Variants in XIRP2 observed in about 807,000 individuals in gnomAD.
XIRP2 encodes the protein xin actin-binding repeat-containing protein 2.
XIRP2 carries 236 observed loss-of-function variants against 277.0 expected under a neutral mutation model. The observed-to-expected ratio is 0.85, with a 90% CI of 0.77 to 0.95. XIRP2 has a LOEUF of 0.95. XIRP2 is among the 40% of genes least tolerant of loss of function. The pLI is 0.00. For missense variants in XIRP2, 4,640 were observed against 4,157.5 expected (o/e 1.12, Z -3.19); for synonymous variants, 1,490 against 1,416.5 (o/e 1.05, Z -1.17).
intron 2 of XIRP2, among the ~76,000 whole-genome samples, chr2:167,082,380 A>G (rs910007451): frequency 1.3e-5 from 2 of 151,910 alleles, no homozygotes; most frequent in South Asian, 2.1e-4. Context: ...AGTCTTTGCT[A>G]TTGTGAATAA....
chr2:167,218,465 A>T (rs903049273), intron 5 of XIRP2, among the ~76,000 whole-genome samples, 165 bp downstream of exon 5: 1 of 152,212 alleles, frequency 6.6e-6, no homozygotes, highest in Non-Finnish European at 1.5e-5. Flanking sequence ...AAGCATATAT[A>T]TGTATTTATT....
chr2:167,003,071 G>A (rs771324731), intron 2 of XIRP2, among the ~76,000 whole-genome samples: 1 of 151,788 alleles, frequency 6.6e-6, no homozygotes, highest in Admixed American at 6.6e-5. Flanking sequence ...AATACCAAGA[G>A]AGAATGAAAC....
At chr2:166,998,243 T>G (rs2095149265) in intron 2 of XIRP2, among the ~76,000 whole-genome samples, 1 of 152,128 alleles carries the variant, frequency 6.6e-6, no homozygotes. Context: ...GTACTGCACA[T>G]GTATCCCAGA....
chr2:167,213,148 C>T (rs987238891), intron 4 of XIRP2, among the ~76,000 whole-genome samples: 3 of 152,094 alleles, frequency 2.0e-5, no homozygotes, highest in Non-Finnish European at 2.9e-5. Flanking sequence ...GCCCATGAAA[C>T]AGTGGTGGTC....
At chr2:166,934,381 A>T (rs890657607) in intron 2 of XIRP2, among the ~76,000 whole-genome samples, 1 of 152,072 alleles carries the variant, frequency 6.6e-6, no homozygotes, top group Non-Finnish European at 1.5e-5. Flanking sequence ...GCTGCAAGAA[A>T]GGGAATCCCA....
Position 167,246,702 on chromosome 2 carries a change from A to C in XIRP2, c.5310A>C (p.Thr1770=). ...QLHTESNETL[T]AKKQEGEKEI... is the part of the protein sequence containing the mutation. ...ACACAGAGTCAAATGAAACACTGAC[A>C]GCTAAGAAACAAGAAGGAGAGAAAG... The change falls in exon 9 of 11, where the codon ACA becomes ACC. Residue 1770 remains threonine (T), a synonymous_variant. Coordinates refer to ENST00000409195, the MANE Select transcript of XIRP2 (RefSeq NM_152381.6). 1 of 1,613,782 alleles carries C rather than the reference A, an allele frequency of 6.2e-7. No individual in the cohort carries two copies. Among genetic ancestry groups the C allele is most frequent in the Non-Finnish European group, 8.5e-7 (1 of 1,179,830 alleles).
At chr2:167,122,319 T>G (rs1283436009) in intron 2 of XIRP2, among the ~76,000 whole-genome samples, 2 of 152,180 alleles carry the variant, frequency 1.3e-5, no homozygotes, top group African/African-American at 4.8e-5. Flanking sequence ...CTGTGCCTAT[T>G]TACTTCCAGC....
intron 2 of XIRP2, among the ~76,000 whole-genome samples, chr2:167,030,564 C>T (rs776848400): frequency 6.6e-6 from 1 of 152,110 alleles, no homozygotes; most frequent in Non-Finnish European, 1.5e-5. Context: ...TTTGATTGCA[C>T]TGTGGTCTGA....
chr2:167,154,797 G>T (rs1692133095), intron 3 of XIRP2, among the ~76,000 whole-genome samples: 1 of 152,016 alleles, frequency 6.6e-6, no homozygotes, highest in Non-Finnish European at 1.5e-5. Flanking sequence ...AAAAATTAAT[G>T]AATCCAGGAG....
At position 166,984,651 on chromosome 2, in the gene XIRP2, G is replaced by A. The variant is rs149060308; in HGVS notation, c.408+80761G>A. ...AGAAGTGCTGTATCTATAAGAATTC[G>A]GAAGGTACTAAGGATGATATATTAG... On this transcript the variant is annotated intron_variant, in intron 2 of 10. Coordinates refer to ENST00000409195, the MANE Select transcript of XIRP2 (RefSeq NM_152381.6). 1.5e-3 allele frequency among the ~76,000 whole-genome samples: 235 copies of A among 152,208 alleles called. 1 individual carries two copies. The highest frequency in any genetic ancestry group is 5.2e-3 in the African/African-American group (215 of 41,530).
At chr2:167,146,750 G>C (rs1234778862) in intron 3 of XIRP2, among the ~76,000 whole-genome samples, 2 of 151,978 alleles carry the variant, frequency 1.3e-5, no homozygotes, top group Non-Finnish European at 2.9e-5. Context: ...CCTAACTGCT[G>C]TCAGATGCAG....
At chr2:167,124,980 G>A (rs1471253717) in intron 2 of XIRP2, among the ~76,000 whole-genome samples, 1 of 152,108 alleles carries the variant, frequency 6.6e-6, no homozygotes, top group African/African-American at 2.4e-5. Flanking sequence ...CCAAGTTACT[G>A]AAAAGTCACT....
chr2:166,947,042 A>G (rs1256996402), intron 2 of XIRP2, among the ~76,000 whole-genome samples: 1 of 152,102 alleles, frequency 6.6e-6, no homozygotes, highest in African/African-American at 2.4e-5. Context: ...CTTTGTTTCC[A>G]TTGTTTTGTT....
chr2:167,208,406 C>T lies in XIRP2; in HGVS notation c.563-2329C>T, dbSNP rs562789485. Among the ~76,000 whole-genome samples the T allele has an allele frequency of 8.5e-4, 129 of 152,272 alleles. 1 individual carries two copies. The highest frequency in any genetic ancestry group is 6.8e-3 in the Middle Eastern group (2 of 294). ...CACTGCAAGCTTCGCCTCCCGGGTT[C>T]ACGCCATTCTCCTGCCTCAGCCTCC... On this transcript the variant is annotated intron_variant, in intron 3 of 10. Coordinates refer to ENST00000409195, the MANE Select transcript of XIRP2 (RefSeq NM_152381.6).
At chr2:167,078,837 CAAAAAA>C (rs71031277) in intron 2 of XIRP2, among the ~76,000 whole-genome samples, 2 of 127,222 alleles carry the variant, frequency 1.6e-5, no homozygotes, top group East Asian at 4.6e-4. Flanking sequence ...GACTCCGTCT[CAAAAAA>C]AAAAAAAAAA....
At chr2:167,064,876 A>G (rs1413550919) in intron 2 of XIRP2, among the ~76,000 whole-genome samples, 1 of 151,878 alleles carries the variant, frequency 6.6e-6, no homozygotes, top group Non-Finnish European at 1.5e-5. Context: ...ATAGGTATAT[A>G]CCTCATTTTG....
chr2:167,049,913 G>C (rs114020488), intron 2 of XIRP2, among the ~76,000 whole-genome samples: 42 of 152,078 alleles, frequency 2.8e-4, no homozygotes, highest in African/African-American at 9.9e-4. Flanking sequence ...TTTTGCTTTA[G>C]CTACGGCTGC....
chr2:167,056,930 T>G (rs1689050815), intron 2 of XIRP2, among the ~76,000 whole-genome samples: 1 of 152,008 alleles, frequency 6.6e-6, no homozygotes. Context: ...TCTTTGGGAG[T>G]GATAAACAAA....
chr2:166,945,431 T>C (rs1685832355), intron 2 of XIRP2, among the ~76,000 whole-genome samples: 2 of 152,030 alleles, frequency 1.3e-5, no homozygotes, highest in African/African-American at 4.8e-5. Context: ...CCATAAAAAG[T>C]TATGAGAGCT....
Sources: allele counts gnomAD v4.1 joint callset (sites outside exome capture counted in the v4.1 genomes callset), GRCh38; gene constraint gnomAD v4.1.1; transcripts MANE v1.5; gene names NCBI Gene and HGNC (gene_info 2026-07-23, HGNC 2026-07-21).